PEX7: variants seen among roughly 807,000 people sequenced by gnomAD.
The protein encoded by PEX7 is peroxisomal biogenesis factor 7, also known as PTS2 receptor.
Under a neutral mutation model 47.5 loss-of-function variants are expected in PEX7, and 34 were observed. That is an observed-to-expected ratio of 0.72 (90% confidence interval 0.54 to 0.95). PEX7 has a LOEUF of 0.95. Ranked by LOEUF, PEX7 falls within the 40% of genes least tolerant of loss-of-function variation. The probability of loss-of-function intolerance (pLI) is 0.00; values close to 1 mark genes in which losing one functional copy is unlikely to be tolerated. For missense variants in PEX7, 394 were observed against 400.3 expected, an observed-to-expected ratio of 0.98 and a Z score of 0.13; for synonymous variants, 141 against 148.8, an observed-to-expected ratio of 0.95 and a Z score of 0.38.
chr6:136,825,390 C>A (rs1315393980), intron 2 of PEX7, 119 bp downstream of exon 2: 30 of 832,142 alleles, frequency 3.6e-5, no homozygotes, highest in Non-Finnish European at 5.7e-5. Context: ...TTGGCGTTTG[C>A]ATAGGATGAA....
At chr6:136,843,633 C>T (rs914416056) in intron 3 of PEX7, among the ~76,000 whole-genome samples, 2 of 152,066 alleles carry the variant, frequency 1.3e-5, no homozygotes, top group Non-Finnish European at 2.9e-5. Flanking sequence ...CCTTTGTAGG[C>T]GAAATTTAGA....
intron 8 of PEX7, among the ~76,000 whole-genome samples, chr6:136,890,152 A>G (rs1228698952): frequency 6.6e-6 from 1 of 152,226 alleles, no homozygotes; most frequent in Non-Finnish European, 1.5e-5. Flanking sequence ...ATTGGACTTA[A>G]TGGAATGAAC....
At chr6:136,903,694 T>A (rs952367260) in intron 9 of PEX7, among the ~76,000 whole-genome samples, 2 of 152,134 alleles carry the variant, frequency 1.3e-5, no homozygotes, top group African/African-American at 4.8e-5. Flanking sequence ...ACAGGGTCAC[T>A]GTGTCACACA....
At chr6:136,891,850 G>C (rs1030210544) in intron 8 of PEX7, among the ~76,000 whole-genome samples, 1 of 152,112 alleles carries the variant, frequency 6.6e-6, no homozygotes, top group African/African-American at 2.4e-5. Flanking sequence ...TCATCACGTT[G>C]CCCAGGCTGG....
chr6:136,849,496 A>G (rs1228288141), intron 5 of PEX7, among the ~76,000 whole-genome samples: 3 of 152,200 alleles, frequency 2.0e-5, no homozygotes, highest in South Asian at 2.1e-4. Flanking sequence ...ATTTAGTGCT[A>G]TGAATTTCCC....
chr6:136,866,178 T>C (rs1775069098), intron 5 of PEX7, among the ~76,000 whole-genome samples: 1 of 152,060 alleles, frequency 6.6e-6, no homozygotes, highest in African/African-American at 2.4e-5. Context: ...CGTTAAAATA[T>C]AGTATACTTG....
At chr6:136,827,048 C>T in intron 3 of PEX7, among the ~76,000 whole-genome samples, 1 of 152,132 alleles carries the variant, frequency 6.6e-6, no homozygotes. Context: ...AACATAAAGA[C>T]ATCCTCTTTT....
intron 7 of PEX7, 52 bp downstream of exon 7, chr6:136,870,055 TCAATGAAG>T: frequency 1.8e-6 from 2 of 1,114,634 alleles, no homozygotes; most frequent in Non-Finnish European, 2.7e-6. Flanking sequence ...ATAAATATAA[TCAATGAAG>T]TGTATATTAA....
At chr6:136,840,710 T>C (rs896624591) in intron 3 of PEX7, among the ~76,000 whole-genome samples, 14 of 152,240 alleles carry the variant, frequency 9.2e-5, no homozygotes, top group African/African-American at 3.4e-4. Flanking sequence ...AGAGAAATCA[T>C]AGACAAATTC....
At chr6:136,895,017 A>G (rs914069120) in intron 8 of PEX7, among the ~76,000 whole-genome samples, 1 of 152,192 alleles carries the variant, frequency 6.6e-6, no homozygotes, top group African/African-American at 2.4e-5. Context: ...CACTTATGGG[A>G]TGTTTGAATC....
intron 5 of PEX7, among the ~76,000 whole-genome samples, chr6:136,859,047 A>G (rs1332249807): frequency 6.6e-6 from 1 of 152,242 alleles, no homozygotes; most frequent in Non-Finnish European, 1.5e-5. Context: ...GCACACATGT[A>G]GTTAAGTATA....
chr6:136,902,258 T>C (rs1775765329), intron 9 of PEX7, among the ~76,000 whole-genome samples: 1 of 152,250 alleles, frequency 6.6e-6, no homozygotes, highest in African/African-American at 2.4e-5. Flanking sequence ...TCTTTTGTGA[T>C]CTTAGCAGCT....
intron 5 of PEX7, among the ~76,000 whole-genome samples, chr6:136,853,589 A>C (rs529762657): frequency 6.6e-6 from 1 of 152,334 alleles, no homozygotes; most frequent in South Asian, 2.1e-4. Context: ...TTTTAAAAGT[A>C]AAAAATGACC....
chr6:136,841,632 C>T (rs1043645940), intron 3 of PEX7, among the ~76,000 whole-genome samples: 1 of 152,222 alleles, frequency 6.6e-6, no homozygotes, highest in African/African-American at 2.4e-5. Context: ...GGCTGGAATG[C>T]AGTGGCGTGA....
chr6:136,825,568 C>G (rs1481958736), intron 2 of PEX7, among the ~76,000 whole-genome samples: 1 of 151,986 alleles, frequency 6.6e-6, no homozygotes, highest in African/African-American at 2.4e-5. Context: ...GAGTCTGGCT[C>G]TGTCACCCAG....
At position 136,872,236 on chromosome 6, in the gene PEX7, G is replaced by A. The variant is rs751419048; in HGVS notation, c.786G>A (p.Ser262=). ...PFHASVLASC[S]YDFTVRFWNF... ...ATGCTTCTGTGCTGGCCTCTTGCTC[G>A]TATGATTTTACTGTAAGGTACAGTG... Residue 262 remains serine (S), a synonymous_variant, in exon 8 of 10, where the codon TCG becomes TCA. Coordinates refer to ENST00000318471, the MANE Select transcript of PEX7 (RefSeq NM_000288.4). The A allele has an allele frequency of 3.5e-5, 57 of 1,606,202 alleles. No homozygotes were observed. The East Asian group carries it at 4.3e-4, about 12-fold the overall frequency.
intron 7 of PEX7, chr6:136,870,707 A>G (rs371670018): frequency 1.0e-5 from 4 of 393,094 alleles, no homozygotes; most frequent in East Asian, 9.5e-5. Flanking sequence ...AAAAAATTCT[A>G]AATTTTTTTT....
intron 3 of PEX7, among the ~76,000 whole-genome samples, chr6:136,845,200 G>GGCCA (rs945507012): frequency 2.0e-5 from 3 of 152,298 alleles, no homozygotes; most frequent in Non-Finnish European, 4.4e-5. Context: ...TTCTAAGAAA[G>GGCCA]GCCAGATAGG....
chr6:136,846,283 G>T, intron 5 of PEX7, 102 bp downstream of exon 5: 1 of 592,072 alleles, frequency 1.7e-6, no homozygotes, highest in African/African-American at 1.9e-5. Context: ...AGAGAAAACA[G>T]GAGAATATTA....
Sources: allele counts gnomAD v4.1 joint callset (sites outside exome capture counted in the v4.1 genomes callset), GRCh38; gene constraint gnomAD v4.1.1; transcripts MANE v1.5; gene names NCBI Gene and HGNC (gene_info 2026-07-23, HGNC 2026-07-21).